Variants in PRRX2 observed in about 807,000 individuals in gnomAD.
PRRX2 encodes the protein paired mesoderm homeobox protein 2.
A neutral mutation model predicts 18.0 loss-of-function variants in PRRX2; 11 were observed. The ratio of observed to expected loss-of-function variants is 0.61; its 90% CI spans 0.39 to 1.01. The LOEUF (loss-of-function observed/expected upper bound fraction) is 1.01. PRRX2 is among the 50% of genes least tolerant of loss of function. The probability of loss-of-function intolerance (pLI) is 0.01; values close to 1 mark genes in which losing one functional copy is unlikely to be tolerated. For synonymous variants in PRRX2, 177 were observed against 154.8 expected (o/e 1.14, Z -1.06); for missense variants, 387 against 351.0 (o/e 1.10, Z -0.82).
chr9:129,704,245 G>A (rs1460355256), intron 1 of PRRX2, among the ~76,000 whole-genome samples: 1 of 152,104 alleles, frequency 6.6e-6, no homozygotes, highest in Non-Finnish European at 1.5e-5. Flanking sequence ...AATAATAGTG[G>A]GGTTAGCAGT....
intron 1 of PRRX2, among the ~76,000 whole-genome samples, chr9:129,669,702 G>A (rs1231089589): frequency 6.6e-6 from 1 of 152,176 alleles, no homozygotes; most frequent in Non-Finnish European, 1.5e-5. Flanking sequence ...GAGCCCTCGA[G>A]GGGCTGTCGG....
chr9:129,678,287 C>T (rs1832186010), intron 1 of PRRX2, among the ~76,000 whole-genome samples: 1 of 152,114 alleles, frequency 6.6e-6, no homozygotes, highest in Non-Finnish European at 1.5e-5. Flanking sequence ...TTTCAAGGGG[C>T]TGGTTTCTCT....
At chr9:129,699,712 A>G (rs922352141) in intron 1 of PRRX2, among the ~76,000 whole-genome samples, 1 of 152,152 alleles carries the variant, frequency 6.6e-6, no homozygotes, top group African/African-American at 2.4e-5. Context: ...TGACTGTGCC[A>G]TGGCTTTCTA....
At chr9:129,678,994 G>A (rs560128267) in intron 1 of PRRX2, among the ~76,000 whole-genome samples, 3 of 152,322 alleles carry the variant, frequency 2.0e-5, no homozygotes, top group South Asian at 4.1e-4. Flanking sequence ...CCTCAGCCAG[G>A]GAGGGAAAGC....
intron 1 of PRRX2, chr9:129,712,887 C>G (rs1832646493): frequency 2.0e-5 from 3 of 152,236 alleles, no homozygotes; most frequent in Admixed American, 1.3e-4. Context: ...GGACCTGACG[C>G]CAGTGGCCTG....
chr9:129,706,861 C>T (rs1419386581), intron 1 of PRRX2, among the ~76,000 whole-genome samples: 2 of 152,308 alleles, frequency 1.3e-5, no homozygotes, highest in East Asian at 3.9e-4. Context: ...TTTTAGCTGT[C>T]ACTCTCCAGC....
chr9:129,686,170 G>A (rs1832297208), intron 1 of PRRX2, among the ~76,000 whole-genome samples: 1 of 152,304 alleles, frequency 6.6e-6, no homozygotes, highest in South Asian at 2.1e-4. Context: ...TGAAGCTGGA[G>A]GGGGCAGGTC....
rs1832099982 is a variant in PRRX2, at chr9:129,671,496, C to T, written c.259+5370C>T. On this transcript the variant is annotated intron_variant, in intron 1 of 3. Transcript: ENST00000372469. This position sits in a 1 kb window ranked among gnomAD's most constrained non-coding sequence, Gnocchi z 4.0. ...GGCTGGAGCCACCACTGTCCCCTCC[C>T]AGAAAACTCCAGAAAAGCAGCTTGG... Among the ~76,000 whole-genome samples the T allele has an allele frequency of 6.6e-6, 1 of 152,192 alleles. No homozygotes were observed.
intron 1 of PRRX2, among the ~76,000 whole-genome samples, chr9:129,706,023 GGAGA>G (rs922982891): frequency 6.6e-6 from 1 of 152,078 alleles, no homozygotes; most frequent in Non-Finnish European, 1.5e-5. Flanking sequence ...CAGAGACTCA[GGAGA>G]TATCCTTTGC....
intron 1 of PRRX2, among the ~76,000 whole-genome samples, chr9:129,693,932 G>T (rs969903368): frequency 6.6e-6 from 1 of 152,218 alleles, no homozygotes; most frequent in African/African-American, 2.4e-5. Context: ...GACATAGTTT[G>T]CTGTGTCCTT....
rs2119049836 is a variant in PRRX2 at position 129,671,381 on chromosome 9, T to C, written c.259+5255T>C. Among the ~76,000 whole-genome samples the C allele has an allele frequency of 6.6e-6, 1 of 152,306 alleles. No homozygotes were observed. Among genetic ancestry groups the C allele is most frequent in the Admixed American group, 6.5e-5 (1 of 15,302 alleles). On this transcript the variant is annotated intron_variant, in intron 1 of 3. Coordinates refer to ENST00000372469, the MANE Select transcript of PRRX2 (RefSeq NM_016307.4). This position sits in a 1 kb window ranked among gnomAD's most constrained non-coding sequence, Gnocchi z 4.0. ...TTGTGGTTCCAGGACCTCTTGCTCC[T>C]CTGTCCAGTAGATCATCTGGGTGGA...
chr9:129,720,050 T>G (rs1297228563), intron 2 of PRRX2, among the ~76,000 whole-genome samples: 2 of 151,710 alleles, frequency 1.3e-5, no homozygotes, highest in African/African-American at 4.9e-5. Flanking sequence ...GAACAATGCC[T>G]GGCACCAAGG....
intron 3 of PRRX2, 84 bp from the exon 4 acceptor site, chr9:129,722,133 G>C (rs1832800724): frequency 6.5e-7 from 1 of 1,532,510 alleles, no homozygotes; most frequent in East Asian, 2.3e-5. Flanking sequence ...AAGGAGGGGG[G>C]TGGCAGGACC....
rs1832681826 is a variant in PRRX2 at position 129,714,814 on chromosome 9, T to G, written c.260-4417T>G. ...AAACTTCCCGAAAATGTCTCCTTTT[T>G]TGGCTGAAATGCCTCCTGTGTTGGG... On this transcript the variant is annotated intron_variant, in intron 1 of 3. Transcript: ENST00000372469. Among the ~76,000 whole-genome samples the G allele has an allele frequency of 2.0e-5, 3 of 152,160 alleles. No individual in the cohort carries two copies. The South Asian group carries it at 6.2e-4, about 32-fold the overall frequency.
chr9:129,708,823 C>A (rs1302475775), intron 1 of PRRX2, among the ~76,000 whole-genome samples: 1 of 152,228 alleles, frequency 6.6e-6, no homozygotes, highest in East Asian at 1.9e-4. Flanking sequence ...TTTACATAGT[C>A]ATTCATTCAG....
rs1008792023 is a variant in PRRX2, at chr9:129,722,546, C to T, written c.*194C>T. ...TTCTGTCCTTGGCCACCAGAGACTG[C>T]AGCCCACAACCCTTGGAGGGGTTGG... is the stretch of plus-strand genomic sequence containing the variant. On this transcript the variant is annotated 3_prime_UTR_variant, in exon 4 of 4. Transcript: ENST00000372469. 7.9e-6 allele frequency: 4 copies of T among 503,494 alleles called. No individual in the cohort carries two copies. In the South Asian group the frequency reaches 3.3e-4, roughly 42 times the overall value. 31.2% of individuals were successfully genotyped at this position (503,494 alleles called of 1,614,324 possible). A position where few individuals can be genotyped will look rare whatever the true frequency, so the allele number is the denominator to read the frequency against.
chr9:129,666,428 T>C (rs991042793), intron 1 of PRRX2, among the ~76,000 whole-genome samples: 1 of 152,048 alleles, frequency 6.6e-6, no homozygotes, highest in Non-Finnish European at 1.5e-5. Context: ...GGGTTACAAC[T>C]GGGGAAACAG....
chr9:129,691,757 C>T (rs1022201905), intron 1 of PRRX2, among the ~76,000 whole-genome samples: 7 of 151,028 alleles, frequency 4.6e-5, no homozygotes, highest in Non-Finnish European at 1.0e-4. Flanking sequence ...CAGCTCATGG[C>T]AGCCTCCATC....
intron 1 of PRRX2, among the ~76,000 whole-genome samples, chr9:129,701,927 C>T (rs1832503024): frequency 6.6e-6 from 1 of 151,854 alleles, no homozygotes; most frequent in African/African-American, 2.4e-5. Context: ...GGTGAAACCC[C>T]ATCCATACTA....
Sources: gnomAD v4.1 joint callset for allele counts (sites outside exome capture counted in the v4.1 genomes callset) on GRCh38, gnomAD v4.1.1 for gene constraint, Gnocchi (gnomAD v3.1) non-coding constraint, MANE v1.5 for transcripts, NCBI Gene and HGNC (gene_info 2026-07-23, HGNC 2026-07-21) for gene names.